The following ARID3B variants were observed in gnomAD, a reference collection of about 807,000 sequenced individuals.
The protein encoded by ARID3B is AT-rich interactive domain-containing protein 3B.
In ARID3B, 10 loss-of-function variants were observed where a neutral mutation model predicts 51.9. The ratio of observed to expected loss-of-function variants is 0.19; its 90% CI spans 0.12 to 0.33. The LOEUF is 0.33. ARID3B is among the 10% of genes least tolerant of loss of function. The pLI is 1.00. For synonymous variants in ARID3B, 205 were observed against 279.5 expected (o/e 0.73, Z 2.66); for missense variants, 483 against 716.3 (o/e 0.67, Z 3.72).
intron 8 of ARID3B, among the ~76,000 whole-genome samples, chr15:74,593,679 T>C (rs933104468): frequency 6.6e-6 from 1 of 152,214 alleles, no homozygotes; most frequent in Non-Finnish European, 1.5e-5. Context: ...TTCCTAAACC[T>C]AATTTGGCAA....
intron 2 of ARID3B, among the ~76,000 whole-genome samples, chr15:74,559,387 T>A (rs762350847): frequency 2.7e-4 from 41 of 152,246 alleles, no homozygotes; most frequent in Non-Finnish European, 4.4e-5. Context: ...GTGGAGTTCC[T>A]TCACATCAGA....
intron 4 of ARID3B, among the ~76,000 whole-genome samples, chr15:74,583,284 T>C (rs924788543): frequency 2.0e-5 from 3 of 152,166 alleles, no homozygotes; most frequent in Non-Finnish European, 2.9e-5. Context: ...AGACACAGAA[T>C]ATATACTATG....
intron 2 of ARID3B, among the ~76,000 whole-genome samples, chr15:74,545,752 CT>C (rs1023725617): frequency 6.6e-6 from 1 of 152,220 alleles, no homozygotes; most frequent in African/African-American, 2.4e-5. Context: ...AATCAAACAT[CT>C]TGGATCAGGA....
At chr15:74,567,905 A>G (rs1383485562) in intron 2 of ARID3B, among the ~76,000 whole-genome samples, 1 of 152,168 alleles carries the variant, frequency 6.6e-6, no homozygotes, top group African/African-American at 2.4e-5. Flanking sequence ...CACTATTCTA[A>G]TTTTGAGTAG....
intron 2 of ARID3B, among the ~76,000 whole-genome samples, chr15:74,551,245 C>T (rs866581172): frequency 6.6e-6 from 1 of 152,186 alleles, no homozygotes; most frequent in Non-Finnish European, 1.5e-5. Context: ...CTACCCACTA[C>T]TCTAAAACAA....
chr15:74,541,948 C>T (rs547172664), intron 1 of ARID3B, among the ~76,000 whole-genome samples: 1 of 152,204 alleles, frequency 6.6e-6, no homozygotes, highest in East Asian at 1.9e-4. Context: ...TCGCTGGCTG[C>T]TTAGGGACTG....
chr15:74,575,044 G>GA (rs1362187041), intron 4 of ARID3B: 3 of 150,578 alleles, frequency 2.0e-5, no homozygotes, highest in Non-Finnish European at 4.4e-5. Context: ...AAGATAATGT[G>GA]ACTGGCAGCA....
Position 74,595,498 on chromosome 15 carries a change from G to T in ARID3B, c.1520-113G>T, listed in dbSNP as rs1872613215. The T allele has an allele frequency of 1.2e-5, 14 of 1,212,762 alleles. No individual in the cohort carries two copies. The South Asian group carries it at 1.8e-4, about 16-fold the overall frequency. 75.1% of individuals were successfully genotyped at this position (1,212,762 alleles called of 1,614,324 possible). A position where few individuals can be genotyped will look rare whatever the true frequency, so the allele number is the denominator to read the frequency against. Reference sequence around the variant, plus strand: ...TTCTCCCATCACCCCCTAGCACAGTGTCTACAGCGGAGTCAGGCACAGGCT... The same window carrying T: ...TTCTCCCATCACCCCCTAGCACAGTTTCTACAGCGGAGTCAGGCACAGGCT... On this transcript the variant is annotated intron_variant, in intron 8 of 8. Coordinates refer to ENST00000346246, the MANE Select transcript of ARID3B (RefSeq NM_006465.4).
At position 74,541,290 on chromosome 15, in the gene ARID3B, C is replaced by CGCCTCGGGGCCTGAGCTGCT. The variant is rs2061593918; in HGVS notation, c.-113_-112insGGGGCCTGAGCTGCTGCCTC. Reference sequence around the variant, plus strand: ...GCTGCCGCGCCGGGGCCTGAGCTGCCGCCTCCTCCGCCGCCCGAAAACCCG... The same window carrying CGCCTCGGGGCCTGAGCTGCT: ...GCTGCCGCGCCGGGGCCTGAGCTGCCGCCTCGGGGCCTGAGCTGCTGCCTCCTCCGCCGCCCGAAAACCCG... On this transcript the variant is annotated 5_prime_UTR_variant, in exon 1 of 9. Transcript: ENST00000346246. 6.6e-6 allele frequency: 1 copy of CGCCTCGGGGCCTGAGCTGCT among 151,636 alleles called. No individual in the cohort carries two copies. Among genetic ancestry groups the CGCCTCGGGGCCTGAGCTGCT allele is most frequent in the African/African-American group, 2.4e-5 (1 of 41,406 alleles). 9.4% of individuals were successfully genotyped at this position (151,636 alleles called of 1,614,324 possible). A position where few individuals can be genotyped will look rare whatever the true frequency, so the allele number is the denominator to read the frequency against.
At chr15:74,588,623 C>G (rs1215862839) in intron 4 of ARID3B, among the ~76,000 whole-genome samples, 1 of 152,154 alleles carries the variant, frequency 6.6e-6, no homozygotes, top group African/African-American at 2.4e-5. Flanking sequence ...CTCTGACCTC[C>G]AGATCATTAA....
In ARID3B at chr15:74,560,031, T is replaced by TAAAAAAAAAAAAAAAAA. The variant is rs71137394; in HGVS notation, c.553-12821_553-12820insAAAAAAAAAAAAAAAAA. 8.4e-5 allele frequency among the ~76,000 whole-genome samples: 3 copies of TAAAAAAAAAAAAAAAAA among 35,640 alleles called. 1 individual carries two copies. The highest frequency in any genetic ancestry group is 1.7e-3 in the South Asian group (1 of 598). 23.4% of individuals were successfully genotyped at this position (35,640 alleles called of 152,430 possible). On this transcript the variant is annotated intron_variant, in intron 2 of 8. Coordinates refer to ENST00000346246, the MANE Select transcript of ARID3B (RefSeq NM_006465.4). ...CAACATGGCGAAACCCTGTCTCTAC[T>TAAAAAAAAAAAAAAAAA]AAAAAAAAAACCACACACACAAAAA...
In ARID3B at chr15:74,593,147, C is replaced by T. The variant is rs1305857206; in HGVS notation, c.1430C>T (p.Ala477Val). ...TCCCTGTCCCCAGCAGAAGACAGAG[C>T]AGAGGCCTCGGCTGCAGCACTGAAC... ...KIRINGREDR[A>V]EASAAALNLT... Residue 477 changes from alanine to valine, a missense_variant, in exon 8 of 9, where the codon GCA becomes GTA. By Grantham distance (64) the Ala-to-Val change is moderately conservative. Coordinates refer to ENST00000346246, the MANE Select transcript of ARID3B (RefSeq NM_006465.4). The T allele has an allele frequency of 6.2e-7, 1 of 1,612,980 alleles. No individual in the cohort carries two copies. Among genetic ancestry groups the T allele is most frequent in the Non-Finnish European group, 8.5e-7 (1 of 1,179,870 alleles).
intron 4 of ARID3B, among the ~76,000 whole-genome samples, chr15:74,580,757 G>A (rs1226448604): frequency 6.6e-6 from 1 of 152,196 alleles, no homozygotes; most frequent in African/African-American, 2.4e-5. Context: ...CCTAGAGCTA[G>A]CAACCCCATC....
intron 2 of ARID3B, among the ~76,000 whole-genome samples, chr15:74,545,738 A>G (rs1381204353): frequency 6.6e-6 from 1 of 152,240 alleles, no homozygotes; most frequent in Non-Finnish European, 1.5e-5. Context: ...TTTGGAACCC[A>G]AAAAATCAAA....
intron 2 of ARID3B, among the ~76,000 whole-genome samples, chr15:74,550,580 C>A (rs2061632992): frequency 6.6e-6 from 1 of 151,964 alleles, no homozygotes; most frequent in South Asian, 2.1e-4. Context: ...GTGGCAGGCG[C>A]CTGCGGTCCC....
intron 4 of ARID3B, among the ~76,000 whole-genome samples, chr15:74,588,676 T>G (rs995283587): frequency 7.8e-4 from 118 of 152,212 alleles, no homozygotes; most frequent in African/African-American, 2.5e-3. Context: ...CGCCTCCTGA[T>G]GAGCATCCCA....
intron 2 of ARID3B, among the ~76,000 whole-genome samples, chr15:74,556,342 A>G (rs559543990): frequency 2.0e-5 from 3 of 152,200 alleles, no homozygotes; most frequent in African/African-American, 7.2e-5. Context: ...GTGAAGTTTG[A>G]TATCTTATAT....
chr15:74,556,257 C>T (rs1417107262), intron 2 of ARID3B, among the ~76,000 whole-genome samples: 6 of 151,888 alleles, frequency 4.0e-5, no homozygotes, highest in Non-Finnish European at 8.8e-5. Context: ...GTAGGGAGGC[C>T]CAAGAAGAGG....
intron 4 of ARID3B, among the ~76,000 whole-genome samples, chr15:74,586,284 ATTAG>A (rs1006182818): frequency 6.6e-6 from 1 of 152,186 alleles, no homozygotes; most frequent in Non-Finnish European, 1.5e-5. Flanking sequence ...GAGATCACTT[ATTAG>A]TTAGGTTACA....
Sources: gnomAD v4.1 joint callset for allele counts (sites outside exome capture counted in the v4.1 genomes callset) on GRCh38, gnomAD v4.1.1 for gene constraint, MANE v1.5 for transcripts, NCBI Gene and HGNC (gene_info 2026-07-23, HGNC 2026-07-21) for gene names.